Variants in TNKS observed in about 807,000 individuals in gnomAD.
The protein encoded by TNKS is tankyrase, also known as poly [ADP-ribose] polymerase tankyrase-1.
TNKS carries 72 observed loss-of-function variants against 135.8 expected under a neutral mutation model. The observed-to-expected ratio is 0.53, with a 90% CI of 0.44 to 0.64. The LOEUF (loss-of-function observed/expected upper bound fraction) is 0.64. TNKS is among the 30% of genes least tolerant of loss of function. The probability of loss-of-function intolerance (pLI) is 0.00; values close to 1 mark genes in which losing one functional copy is unlikely to be tolerated. For missense variants in TNKS, 1,769 were observed against 1,674.0 expected (o/e 1.06, Z -0.99); for synonymous variants, 849 against 649.3 (o/e 1.31, Z -4.68).
rs565907305 is a variant in TNKS, at chr8:9,733,500, T to C, written c.2313+56T>C. On this transcript the variant is annotated intron_variant, in intron 15 of 26. Transcript: ENST00000310430. ...CTAATTTTATTTATATTTTGGTTAT[T>C]ACTTGAAAGTAAGTTGGGGTATGTT... 6.9e-6 allele frequency: 10 copies of C among 1,448,864 alleles called. No individual in the cohort carries two copies. The South Asian group carries it at 8.6e-5, about 12-fold the overall frequency. The allele number at this position is 1,448,864 out of a possible 1,614,324, so 89.8% of individuals were successfully genotyped here. A position where few individuals can be genotyped will look rare whatever the true frequency, so the allele number is the denominator to read the frequency against.
At chr8:9,735,243 AT>A in intron 16 of TNKS, 133 bp from the exon 17 acceptor site, 1 of 1,070,964 alleles carries the variant, frequency 9.3e-7, no homozygotes, top group Non-Finnish European at 1.3e-6. Context: ...AAGTCCCTCC[AT>A]TATGTGATAA....
chr8:9,655,364 T>A (rs933366041), intron 3 of TNKS, among the ~76,000 whole-genome samples: 1 of 152,194 alleles, frequency 6.6e-6, no homozygotes, highest in Admixed American at 6.5e-5. Flanking sequence ...CAGACTTAAA[T>A]GTCCCTGTCT....
chr8:9,676,686 C>CTGTGTGTGTG (rs147459978), intron 3 of TNKS, among the ~76,000 whole-genome samples: 1,619 of 147,854 alleles, frequency 0.011, 17 homozygotes, highest in African/African-American at 0.026. Flanking sequence ...CTCTCTCTCT[C>CTGTGTGTGTG]TGTGTGTGTG....
Position 9,778,606 on chromosome 8 carries a change from G to A in TNKS, c.*1870G>A, listed in dbSNP as rs1259605121. ...TCAGTGACCCAAGCTGGGTGTTTGT[G>A]TCTTGGCTACTTGTTTAATAGCACT... On this transcript the variant is annotated 3_prime_UTR_variant, in exon 27 of 27. Coordinates refer to ENST00000310430, the MANE Select transcript of TNKS (RefSeq NM_003747.3). 6.6e-6 allele frequency: 1 copy of A among 152,604 alleles called. No homozygotes were observed. Among genetic ancestry groups the A allele is most frequent in the Non-Finnish European group, 1.5e-5 (1 of 68,030 alleles). The allele number at this position is 152,604 out of a possible 1,614,324, so 9.5% of individuals were successfully genotyped here.
rs1445313063 is a variant in TNKS, at chr8:9,655,557, G to A, written c.995-24394G>A. Reference sequence around the variant, plus strand: ...TCTGAGACAAAACCTCCAGAAGAACGATTAGACAGCAGCATTTGCGGTTCA... The same window carrying A: ...TCTGAGACAAAACCTCCAGAAGAACAATTAGACAGCAGCATTTGCGGTTCA... On this transcript the variant is annotated intron_variant, in intron 3 of 26. Transcript: ENST00000310430. Among the ~76,000 whole-genome samples, 3 of 152,174 alleles carry A rather than the reference G, an allele frequency of 2.0e-5. No individual in the cohort carries two copies. In the East Asian group the frequency reaches 5.8e-4, roughly 29 times the overall value.
chr8:9,677,882 T>G (rs1236769003), intron 3 of TNKS, among the ~76,000 whole-genome samples: 2 of 152,182 alleles, frequency 1.3e-5, no homozygotes, highest in African/African-American at 4.8e-5. Context: ...TTTCTTTCAC[T>G]GTGGTAGCTT....
chr8:9,672,532 G>A (rs186923448), intron 3 of TNKS, among the ~76,000 whole-genome samples: 72 of 151,716 alleles, frequency 4.7e-4, no homozygotes, highest in Non-Finnish European at 8.7e-4. Context: ...ATTGATGGCT[G>A]TAGAAAAAGG....
chr8:9,573,259 C>T (rs1296771839), intron 1 of TNKS, among the ~76,000 whole-genome samples: 1 of 152,134 alleles, frequency 6.6e-6, no homozygotes, highest in Non-Finnish European at 1.5e-5. Context: ...AAGCAGCCTC[C>T]AGAGCCAGAA....
In TNKS at chr8:9,751,931, G is replaced by A. The variant is rs994142203; in HGVS notation, c.3070+85G>A. On this transcript the variant is annotated intron_variant, in intron 19 of 26. Transcript: ENST00000310430. ...TTTTTTCTATTGATAACTATTGAAT[G>A]CCTCAATTAGAGACGTCCTGTCTGT... is the stretch of plus-strand genomic sequence containing the variant. 4 of 1,200,466 alleles carry A rather than the reference G, an allele frequency of 3.3e-6. No homozygotes were observed. In the African/African-American group the frequency reaches 6.0e-5, roughly 18 times the overall value. The allele number at this position is 1,200,466 out of a possible 1,614,324, so 74.4% of individuals were successfully genotyped here.
chr8:9,755,853 C>T (rs1312214965), intron 20 of TNKS, among the ~76,000 whole-genome samples: 1 of 152,170 alleles, frequency 6.6e-6, no homozygotes, highest in East Asian at 1.9e-4. Flanking sequence ...TTCGGCACAT[C>T]ATAGCCTCAC....
chr8:9,717,071 TAA>T (rs1491582874), intron 11 of TNKS, among the ~76,000 whole-genome samples: 211 of 13,764 alleles, frequency 0.015, 30 homozygotes, highest in Admixed American at 0.03. Context: ...TGTTGTATTA[TAA>T]TATATATATA....
chr8:9,721,674 T>C (rs1804887263), intron 12 of TNKS, among the ~76,000 whole-genome samples: 1 of 152,156 alleles, frequency 6.6e-6, no homozygotes, highest in Non-Finnish European at 1.5e-5. Context: ...GAATGTCTTA[T>C]GACATATCCT....
chr8:9,771,780 GGAGA>G (rs531972146), intron 26 of TNKS, among the ~76,000 whole-genome samples: 4 of 61,026 alleles, frequency 6.6e-5, no homozygotes, highest in African/African-American at 2.2e-4. Flanking sequence ...AAGGAAGGCA[GGAGA>G]GAGAGGAGAA....
chr8:9,720,365 A>G lies in TNKS; in HGVS notation c.1750-9A>G, dbSNP rs1804814750. ...CTCAATTCCATGTGCCCACGCAATG[A>G]TTTTTCAGATGAATGCACTGGACAC... On this transcript the variant is annotated splice_polypyrimidine_tract_variant and intron_variant, in intron 11 of 26. Transcript: ENST00000310430. The G allele has an allele frequency of 1.3e-6, 2 of 1,581,868 alleles. No homozygotes were observed. The highest frequency in any genetic ancestry group is 3.7e-5 in the Admixed American group (2 of 54,548).
chr8:9,648,415 T>C (rs1011942455), intron 3 of TNKS, among the ~76,000 whole-genome samples: 2 of 152,194 alleles, frequency 1.3e-5, no homozygotes, highest in Non-Finnish European at 2.9e-5. Context: ...TTAAACTTTT[T>C]TTGTTAAACA....
At chr8:9,767,892 G>C (rs548824225) in intron 25 of TNKS, among the ~76,000 whole-genome samples, 1 of 150,500 alleles carries the variant, frequency 6.6e-6, no homozygotes, top group Non-Finnish European at 1.5e-5. Context: ...CCAGGAGGCG[G>C]AGGTTGCAGT....
At position 9,766,309 on chromosome 8, in the gene TNKS, T is replaced by C; in HGVS notation, c.3624T>C (p.Phe1208=). The change falls in exon 25 of 27, where the codon TTT becomes TTC. Residue 1208 remains phenylalanine (F), a synonymous_variant. Coordinates refer to ENST00000310430, the MANE Select transcript of TNKS (RefSeq NM_003747.3). ...DERHAYIGGM[F]GAGIYFAENS... is the part of the protein sequence containing the mutation. ...GACATGCATACATAGGAGGAATGTT[T>C]GGGGCCGGGATTTATTTTGCTGAAA... 6.2e-7 allele frequency: 1 copy of C among 1,613,964 alleles called. No individual in the cohort carries two copies. Among genetic ancestry groups the C allele is most frequent in the Non-Finnish European group, 8.5e-7 (1 of 1,179,966 alleles).
intron 3 of TNKS, among the ~76,000 whole-genome samples, chr8:9,629,518 C>T (rs927753609): frequency 1.3e-5 from 2 of 152,190 alleles, no homozygotes; most frequent in African/African-American, 2.4e-5. Context: ...TTTCCTGTTG[C>T]TCCTGTATTC....
intron 1 of TNKS, among the ~76,000 whole-genome samples, chr8:9,576,583 A>C (rs1797956924): frequency 6.6e-6 from 1 of 151,276 alleles, no homozygotes. Context: ...CTACTTTTAA[A>C]TCTCCAGATG....
Sources: allele counts gnomAD v4.1 joint callset (sites outside exome capture counted in the v4.1 genomes callset), GRCh38; gene constraint gnomAD v4.1.1; transcripts MANE v1.5; gene names NCBI Gene and HGNC (gene_info 2026-07-23, HGNC 2026-07-21).